Variants in IQCM observed in about 807,000 individuals in gnomAD.
The protein encoded by IQCM is IQ domain-containing protein M.
In IQCM, 45 loss-of-function variants were observed where a neutral mutation model predicts 57.6. The observed-to-expected ratio is 0.78, with a 90% CI of 0.62 to 1.00. The LOEUF (loss-of-function observed/expected upper bound fraction) is 1.00. Ranked by LOEUF, IQCM falls within the 50% of genes least tolerant of loss-of-function variation. The probability of loss-of-function intolerance (pLI) is 0.00; values close to 1 mark genes in which losing one functional copy is unlikely to be tolerated. For synonymous variants in IQCM, 148 were observed against 158.9 expected (o/e 0.93, Z 0.51); for missense variants, 468 against 511.6 (o/e 0.91, Z 0.82).
intron 7 of IQCM, among the ~76,000 whole-genome samples, chr4:149,654,724 C>T (rs2150140748): frequency 6.6e-6 from 1 of 152,204 alleles, no homozygotes; most frequent in African/African-American, 2.4e-5. Flanking sequence ...GACCAAAGTC[C>T]TTTGGAGCAC....
At chr4:149,448,993 T>A (rs1324099484) in intron 12 of IQCM, among the ~76,000 whole-genome samples, 2 of 151,584 alleles carry the variant, frequency 1.3e-5, no homozygotes, top group Non-Finnish European at 2.9e-5. Context: ...ATATTTCCAA[T>A]ATAAAAACAA....
At chr4:149,636,589 T>C (rs1757735188) in intron 7 of IQCM, among the ~76,000 whole-genome samples, 1 of 152,196 alleles carries the variant, frequency 6.6e-6, no homozygotes, top group African/African-American at 2.4e-5. Flanking sequence ...GCCCCACCTC[T>C]ACACTGATAG....
At chr4:149,660,622 C>T (rs1368818692) in intron 7 of IQCM, among the ~76,000 whole-genome samples, 1 of 152,052 alleles carries the variant, frequency 6.6e-6, no homozygotes, top group Non-Finnish European at 1.5e-5. Context: ...GAAAATGTGG[C>T]ACATATACAC....
intron 7 of IQCM, among the ~76,000 whole-genome samples, chr4:149,626,392 C>CATATATATATATATATATAGATAT (rs371051488): frequency 8.3e-6 from 1 of 120,516 alleles, no homozygotes; most frequent in South Asian, 3.3e-4. Context: ...ACTTAATAAA[C>CATATATATATATATATATAGATAT]ATATATATAT....
chr4:149,723,111 G>T (rs1415012410), intron 5 of IQCM, among the ~76,000 whole-genome samples: 1 of 152,010 alleles, frequency 6.6e-6, no homozygotes, highest in Non-Finnish European at 1.5e-5. Context: ...GTATAGCAGT[G>T]CTACCGATTT....
At chr4:149,642,206 T>G (rs1373677691) in intron 7 of IQCM, among the ~76,000 whole-genome samples, 1 of 152,174 alleles carries the variant, frequency 6.6e-6, no homozygotes, top group Non-Finnish European at 1.5e-5. Flanking sequence ...TTGCTTATTA[T>G]TTTAAAACAA....
At chr4:149,488,179 A>G (rs955350915) in intron 12 of IQCM, among the ~76,000 whole-genome samples, 3 of 152,160 alleles carry the variant, frequency 2.0e-5, no homozygotes, top group Admixed American at 6.5e-5. Context: ...AAGGATTTCA[A>G]TGTCTACATT....
intron 12 of IQCM, among the ~76,000 whole-genome samples, chr4:149,500,198 A>T (rs1386870407): frequency 6.6e-6 from 1 of 152,226 alleles, no homozygotes; most frequent in Non-Finnish European, 1.5e-5. Context: ...AAATGAGAAA[A>T]GTCTGAACTT....
intron 7 of IQCM, among the ~76,000 whole-genome samples, chr4:149,642,464 A>C (rs1482611335): frequency 1.3e-5 from 2 of 152,158 alleles, no homozygotes; most frequent in African/African-American, 4.8e-5. Context: ...GCAATGAAAT[A>C]TTTTACCTCT....
chr4:149,354,145 A>G (rs1357980210), intron 13 of IQCM, among the ~76,000 whole-genome samples: 1 of 151,574 alleles, frequency 6.6e-6, no homozygotes, highest in Non-Finnish European at 1.5e-5. Flanking sequence ...CGGGTGGATC[A>G]CGAGGTCAGG....
intron 12 of IQCM, among the ~76,000 whole-genome samples, chr4:149,506,892 G>A (rs1743875371): frequency 6.6e-6 from 1 of 152,152 alleles, no homozygotes; most frequent in Non-Finnish European, 1.5e-5. Context: ...TAGAGCAATA[G>A]TGAAAGAATA....
chr4:149,735,009 T>C (rs368262988), intron 4 of IQCM, among the ~76,000 whole-genome samples: 33 of 152,336 alleles, frequency 2.2e-4, no homozygotes, highest in African/African-American at 7.7e-4. Flanking sequence ...GCTAAGGGTA[T>C]AGAAGAGACT....
chr4:149,707,403 T>C (rs1255408396), intron 5 of IQCM, among the ~76,000 whole-genome samples: 2 of 152,050 alleles, frequency 1.3e-5, no homozygotes, highest in African/African-American at 4.8e-5. Flanking sequence ...TTCCTTAGTG[T>C]TGGAAGAGGC....
intron 12 of IQCM, among the ~76,000 whole-genome samples, chr4:149,440,848 C>G (rs1735870331): frequency 6.6e-6 from 1 of 152,152 alleles, no homozygotes; most frequent in East Asian, 1.9e-4. Context: ...TTAGATTTCT[C>G]AATCCTGTTC....
chr4:149,802,492 A>G (rs28478302), intron 2 of IQCM, among the ~76,000 whole-genome samples: 31 of 152,048 alleles, frequency 2.0e-4, no homozygotes, highest in African/African-American at 7.5e-4. Flanking sequence ...CTGTTAACTG[A>G]TGAGAATTCC....
chr4:149,751,750 T>C (rs74928011), intron 2 of IQCM, among the ~76,000 whole-genome samples: 4,571 of 152,186 alleles, frequency 0.03, 397 homozygotes, highest in East Asian at 0.22. Context: ...GATTTAAATT[T>C]GAGAGTAGTT....
chr4:149,700,283 G>A (rs1490113750), intron 5 of IQCM, among the ~76,000 whole-genome samples: 1 of 152,014 alleles, frequency 6.6e-6, no homozygotes, highest in African/African-American at 2.4e-5. Context: ...ACTTCCAGAA[G>A]TTTAAACTAT....
chr4:149,542,887 GAA>G (rs1427300496), intron 12 of IQCM, among the ~76,000 whole-genome samples: 2 of 151,830 alleles, frequency 1.3e-5, no homozygotes, highest in African/African-American at 4.8e-5. Context: ...TTTTACAGCT[GAA>G]AAAAGTGGGG....
rs139910267 is a variant in IQCM at position 149,782,011 on chromosome 4, G to A, written c.-49+33300C>T. On this transcript the variant is annotated intron_variant, in intron 2 of 13. Coordinates refer to ENST00000636793, the MANE Select transcript of IQCM (RefSeq NM_001363507.2). ...ATATTTTTTTTTTAATCTCAGAAAA[G>A]AGAGAAGAGACCGTGTCTCAAATAA... is the stretch of plus-strand genomic sequence containing the variant. 3.3e-3 allele frequency among the ~76,000 whole-genome samples: 505 copies of A among 152,132 alleles called. 7 individuals are homozygous for A. The highest frequency in any genetic ancestry group is 0.011 in the African/African-American group (468 of 41,496).
Sources: allele counts gnomAD v4.1 joint callset (sites outside exome capture counted in the v4.1 genomes callset), GRCh38; gene constraint gnomAD v4.1.1; transcripts MANE v1.5; gene names NCBI Gene and HGNC (gene_info 2026-07-23, HGNC 2026-07-21).